PHF23: variants seen among roughly 807,000 people sequenced by gnomAD.
PHF23 encodes PDH-containing protein JUNE-1.
In PHF23, 3 loss-of-function variants were observed where a neutral mutation model predicts 36.0. The ratio of observed to expected loss-of-function variants is 0.08; its 90% CI spans 0.04 to 0.22. The LOEUF (loss-of-function observed/expected upper bound fraction) is 0.22. PHF23 is among the 10% of genes least tolerant of loss of function. PHF23 has a pLI of 1.00. For missense variants in PHF23, 475 were observed against 513.6 expected, an observed-to-expected ratio of 0.92 and a Z score of 0.73; for synonymous variants, 242 against 192.5, an observed-to-expected ratio of 1.26 and a Z score of -2.13.
upstream of PHF23, chr17:7,239,685 A>AGCCGCTCCCCGGG (rs2071753564): frequency 6.5e-6 from 1 of 153,950 alleles, no homozygotes; most frequent in African/African-American, 2.4e-5. Flanking sequence ...AGGCGCACCA[A>AGCCGCTCCCCGGG]GCCGCTCCCC....
At chr17:7,237,730 G>A (rs2071698456) in intron 1 of PHF23, 70 bp from the exon 2 acceptor site, 2 of 1,568,390 alleles carry the variant, frequency 1.3e-6, no homozygotes, top group East Asian at 2.2e-5. Flanking sequence ...TCTAAACCCC[G>A]TTGTTCCTAA....
rs2071628867 is a variant in PHF23, at chr17:7,235,124, G to A, written c.*502C>T. On this transcript the variant is annotated 3_prime_UTR_variant, in exon 5 of 5. Transcript: ENST00000320316. Reference sequence around the variant, plus strand: ...TATTAAAAACAAAAGAGGTGAGTGAGAATCGTCACCTTTCTGCTTTCCTTC... The same window carrying A: ...TATTAAAAACAAAAGAGGTGAGTGAAAATCGTCACCTTTCTGCTTTCCTTC... The A allele has an allele frequency of 5.7e-6, 1 of 176,946 alleles. No individual in the cohort carries two copies. The highest frequency in any genetic ancestry group is 1.2e-5 in the Non-Finnish European group (1 of 80,852). 11.0% of individuals were successfully genotyped at this position (176,946 alleles called of 1,614,324 possible).
At position 7,236,411 on chromosome 17, in the gene PHF23, C is replaced by T. The variant is rs777081978; in HGVS notation, c.516G>A (p.Gly172=). ...TCTTTCGAGGAGGATGGGAGAGGTC[C>T]CCCTGGGAAAGGGGCACGGGGGTAA... The part of the protein sequence containing the change: ...AALTPVPLSQ[G]DLSHPPRKKD... Residue 172 remains glycine, a synonymous_variant, in exon 4 of 5, where the codon GGG becomes GGA. Transcript: ENST00000320316. This position sits in a 1 kb window ranked among gnomAD's most constrained non-coding sequence, Gnocchi z 5.1. 4 of 1,613,704 alleles carry T rather than the reference C, an allele frequency of 2.5e-6. No homozygotes were observed. Among genetic ancestry groups the T allele is most frequent in the African/African-American group, 1.3e-5 (1 of 74,872 alleles).
In PHF23 at chr17:7,236,315, T is replaced by C. The variant is rs760954842; in HGVS notation, c.612A>G (p.Pro204=). ...ATCTCTTTTCCCCATCCCCAGGAGTTGGCCGAGGCCTCCGAAGCACCCCAA... is the reference window on the plus strand; with the variant it reads ...ATCTCTTTTCCCCATCCCCAGGAGTCGGCCGAGGCCTCCGAAGCACCCCAA... ...AGFGVLRRPR[P]TPGDGEKRSR... Residue 204 remains proline (P), a synonymous_variant, in exon 4 of 5, where the codon CCA becomes CCG. Transcript: ENST00000320316. The surrounding 1 kb of genome is among the most constrained non-coding windows in gnomAD (Gnocchi z 5.1). 6.2e-7 allele frequency: 1 copy of C among 1,614,116 alleles called. No homozygotes were observed. The highest frequency in any genetic ancestry group is 1.1e-5 in the South Asian group (1 of 91,078).
rs1298392639 is a variant in PHF23, at chr17:7,236,784, G to A, written c.160-17C>T. 6.3e-7 allele frequency: 1 copy of A among 1,596,158 alleles called. No individual in the cohort carries two copies. Among genetic ancestry groups the A allele is most frequent in the East Asian group, 2.2e-5 (1 of 44,776 alleles). The stretch of plus-strand genomic sequence containing the variant: ...GTCACTTTCCTTAAAAGGGGGAAGA[G>A]ACCAGGGTCAGCAGAACCCCAGTGT... On this transcript the variant is annotated splice_polypyrimidine_tract_variant and intron_variant, in intron 3 of 4. Transcript: ENST00000320316. The surrounding 1 kb of genome is among the most constrained non-coding windows in gnomAD (Gnocchi z 5.1).
chr17:7,238,861 C>T, intron 1 of PHF23: 1 of 1,534,230 alleles, frequency 6.5e-7, no homozygotes. Flanking sequence ...ACTACCCCAC[C>T]TCGGCGAACT....
chr17:7,235,527 G>A lies in PHF23; in HGVS notation c.*99C>T. On this transcript the variant is annotated 3_prime_UTR_variant, in exon 5 of 5. Transcript: ENST00000320316. ...CCCTTGAGAATTCCTGCCTTGAAGT[G>A]CAGACAGTATCCAAGCTCCAGGGGA... The A allele has an allele frequency of 8.1e-7, 1 of 1,229,396 alleles. No individual in the cohort carries two copies. The highest frequency in any genetic ancestry group is 1.2e-6 in the Non-Finnish European group (1 of 856,908). 76.2% of individuals were successfully genotyped at this position (1,229,396 alleles called of 1,614,324 possible).
At position 7,238,638 on chromosome 17, in the gene PHF23, A is replaced by AC. The variant is rs1318686220; in HGVS notation, c.34+607dup. On this transcript the variant is annotated intron_variant, in intron 1 of 4. Coordinates refer to ENST00000320316, the MANE Select transcript of PHF23 (RefSeq NM_024297.3). ...CCCGCCCGACAAGTCGCCGGTCTTAACCCCCCCCACCCCGCCCCACCACCC... is the reference window on the plus strand; with the variant it reads ...CCCGCCCGACAAGTCGCCGGTCTTAACCCCCCCCCACCCCGCCCCACCACCC... 1.6e-3 allele frequency: 527 copies of AC among 338,904 alleles called. 6 individuals carry two copies. In the African/African-American group the frequency reaches 0.034, roughly 22 times the overall value. The allele number at this position is 338,904 out of a possible 1,614,324, so 21.0% of individuals were successfully genotyped here. A position where few individuals can be genotyped will look rare whatever the true frequency, so the allele number is the denominator to read the frequency against.
At chr17:7,237,279 A>C (rs953903000) in intron 3 of PHF23, 106 bp downstream of exon 3, 81 of 1,032,694 alleles carry the variant, frequency 7.8e-5, no homozygotes, top group Non-Finnish European at 1.1e-4. Flanking sequence ...TCTTACATAT[A>C]ATTTCTAAGG....
chr17:7,237,757 C>T, intron 1 of PHF23, 97 bp from the exon 2 acceptor site: 1 of 1,412,616 alleles, frequency 7.1e-7, no homozygotes, highest in Non-Finnish European at 1.0e-6. Flanking sequence ...CCCCTGCTCT[C>T]CCAGGTCCCT....
chr17:7,238,944 C>G (rs1456893160), intron 1 of PHF23: 1 of 1,504,784 alleles, frequency 6.6e-7, no homozygotes, highest in East Asian at 2.5e-5. Flanking sequence ...TTCCCCTAAC[C>G]TTCCAGTTCC....
At chr17:7,239,024 C>G in intron 1 of PHF23, 1 of 1,423,684 alleles carries the variant, frequency 7.0e-7, no homozygotes, top group Non-Finnish European at 9.3e-7. Context: ...GCTCCTATCC[C>G]CCGCACCCCC....
rs756881315 is a variant in PHF23 at position 7,236,134 on chromosome 17, C to T, written c.793G>A (p.Val265Met). The change falls in exon 4 of 5, where the codon GTG becomes ATG. Residue 265 changes from valine (V) to methionine (M), a missense_variant. By Grantham distance (21) the Val-to-Met change is conservative. Around this residue, in one of 5 missense-constraint regions of PHF23, gnomAD observed 350 missense variants for 319.8 expected, o/e 1.09. Coordinates refer to ENST00000320316, the MANE Select transcript of PHF23 (RefSeq NM_024297.3). This position sits in a 1 kb window ranked among gnomAD's most constrained non-coding sequence, Gnocchi z 5.1. The stretch of plus-strand genomic sequence containing the variant: ...GGGACTGGGGCTTCACCCCCTACCA[C>T]TGTTGCCATCTCTTCTTCTTCTTCC... Reference protein sequence around the residue: ...EEEEEEEMATVVGGEAPVPVL... With the variant: ...EEEEEEEMATMVGGEAPVPVL... 1 of 1,610,758 alleles carries T rather than the reference C, an allele frequency of 6.2e-7. No individual in the cohort carries two copies. Among genetic ancestry groups the T allele is most frequent in the East Asian group, 2.2e-5 (1 of 44,862 alleles).
Position 7,235,352 on chromosome 17 carries a change from A to G in PHF23, c.*274T>C, listed in dbSNP as rs1480856660. 6.6e-5 allele frequency: 32 copies of G among 486,890 alleles called. 1 individual carries two copies. In the Admixed American group the frequency reaches 9.9e-4, roughly 15 times the overall value. 30.2% of individuals were successfully genotyped at this position (486,890 alleles called of 1,614,324 possible). Reference sequence around the variant, plus strand: ...ATCCCAATTCCAATCCTGACCCAGAAAGTGATGGTGGCAGGTCCAAGAGAC... The same window carrying G: ...ATCCCAATTCCAATCCTGACCCAGAGAGTGATGGTGGCAGGTCCAAGAGAC... On this transcript the variant is annotated 3_prime_UTR_variant, in exon 5 of 5. Transcript: ENST00000320316.
intron 1 of PHF23, chr17:7,238,917 A>T (rs2071738663): frequency 7.3e-6 from 11 of 1,512,886 alleles, no homozygotes; most frequent in Non-Finnish European, 7.9e-6. Context: ...CTCCTGAGCA[A>T]CTCTCCGGCC....
chr17:7,236,522 G>C lies in PHF23; in HGVS notation c.405C>G (p.Asp135Glu). 2 of 1,614,160 alleles carry C rather than the reference G, an allele frequency of 1.2e-6. No homozygotes were observed. The highest frequency in any genetic ancestry group is 1.7e-6 in the Non-Finnish European group (2 of 1,180,026). The change falls in exon 4 of 5, where the codon GAC (aspartate) becomes GAG (glutamate). Residue 135 changes from aspartate (D) to glutamate (E), a missense_variant. Asp to Glu is a conservative substitution (Grantham distance 45). Around this residue, in one of 5 missense-constraint regions of PHF23, gnomAD observed 350 missense variants for 319.8 expected, o/e 1.09. Transcript: ENST00000320316. The surrounding 1 kb of genome is among the most constrained non-coding windows in gnomAD (Gnocchi z 5.1). The stretch of plus-strand genomic sequence containing the variant: ...TGGGCCCATCCAGATCAAAGAGAGA[G>C]TCCTTGAGCTTCATCTTCTCAAGCA... ...ATLLEKMKLK[D>E]SLFDLDGPKV...
chr17:7,236,067 G>C lies in PHF23; in HGVS notation c.860C>G (p.Thr287Arg). The C allele has an allele frequency of 1.2e-6, 2 of 1,613,918 alleles. No homozygotes were observed. Among genetic ancestry groups the C allele is most frequent in the Non-Finnish European group, 8.5e-7 (1 of 1,179,900 alleles). Residue 287 changes from threonine to arginine, a missense_variant, in exon 4 of 5, where the codon ACA becomes AGA. This residue lies in a region of PHF23 where 350 missense variants were observed against 319.8 expected (regional missense o/e 1.09). Transcript: ENST00000320316. This position sits in a 1 kb window ranked among gnomAD's most constrained non-coding sequence, Gnocchi z 5.1. ...TPPEAPRPPATVHPEGVPPAD... is the reference protein window; with the variant it reads ...TPPEAPRPPARVHPEGVPPAD... ...AGGAGGGACTCCTTCAGGGTGCACTGTGGCAGGGGGCCTAGGAGCCTCAGG... is the reference window on the plus strand; with the variant it reads ...AGGAGGGACTCCTTCAGGGTGCACTCTGGCAGGGGGCCTAGGAGCCTCAGG...
Position 7,236,128 on chromosome 17 carries a change from C to A in PHF23, c.799G>T (p.Gly267Trp). 6.2e-7 allele frequency: 1 copy of A among 1,611,276 alleles called. No individual in the cohort carries two copies. The highest frequency in any genetic ancestry group is 8.5e-7 in the Non-Finnish European group (1 of 1,178,568). Reference protein sequence around the residue: ...EEEEEMATVVGGEAPVPVLPT... With the variant: ...EEEEEMATVVWGEAPVPVLPT... ...AGCACAGGGACTGGGGCTTCACCCC[C>A]TACCACTGTTGCCATCTCTTCTTCT... Residue 267 changes from glycine to tryptophan, a missense_variant, in exon 4 of 5, where the codon GGG becomes TGG. Around this residue, in one of 5 missense-constraint regions of PHF23, gnomAD observed 350 missense variants for 319.8 expected, o/e 1.09. Coordinates refer to ENST00000320316, the MANE Select transcript of PHF23 (RefSeq NM_024297.3). This position sits in a 1 kb window ranked among gnomAD's most constrained non-coding sequence, Gnocchi z 5.1.
Position 7,239,371 on chromosome 17 carries a change from C to T in PHF23, c.-92G>A. ...AGTGCTCGATGCTCCCACTGCTTCG[C>T]TCCACAGAAGTGTCCGCCTCAGCCC... On this transcript the variant is annotated 5_prime_UTR_variant, in exon 1 of 5. Coordinates refer to ENST00000320316, the MANE Select transcript of PHF23 (RefSeq NM_024297.3). 1.5e-6 allele frequency: 1 copy of T among 686,718 alleles called. No individual in the cohort carries two copies. Among genetic ancestry groups the T allele is most frequent in the African/African-American group, 1.8e-5 (1 of 56,388 alleles). 42.5% of individuals were successfully genotyped at this position (686,718 alleles called of 1,614,324 possible). A position where few individuals can be genotyped will look rare whatever the true frequency, so the allele number is the denominator to read the frequency against.
Sources: gnomAD v4.1 joint callset for allele counts on GRCh38, gnomAD v4.1.1 for gene constraint, gnomAD v4.1.1 regional missense constraint, Gnocchi (gnomAD v3.1) non-coding constraint, MANE v1.5 for transcripts, NCBI Gene and HGNC (gene_info 2026-07-23, HGNC 2026-07-21) for gene names.